The following HEG1 variants were observed in gnomAD, a reference collection of about 807,000 sequenced individuals.
HEG1 encodes heart development protein with EGF like domains 1, also known as protein HEG homolog 1.
In HEG1, 56 loss-of-function variants were observed where a neutral mutation model predicts 125.6. The observed-to-expected ratio is 0.45, with a 90% confidence interval of 0.36 to 0.56. The LOEUF is 0.56. Among genes scored for constraint, HEG1 ranks in the 20% least tolerant of loss-of-function variants. The probability of loss-of-function intolerance (pLI) is 0.00; values close to 1 mark genes in which losing one functional copy is unlikely to be tolerated. For synonymous variants in HEG1, 644 were observed against 668.5 expected (o/e 0.96, Z 0.57); for missense variants, 1,523 against 1,670.0 (o/e 0.91, Z 1.53).
chr3:124,993,570 C>T (rs1253384668), intron 12 of HEG1, among the ~76,000 whole-genome samples: 2 of 152,144 alleles, frequency 1.3e-5, no homozygotes, highest in Non-Finnish European at 2.9e-5. Context: ...CTGGATGATC[C>T]ATGGATGGCT....
rs1049899075 is a variant in HEG1, at chr3:125,020,698, T to G, written c.1252+94A>C. 9 of 1,021,310 alleles carry G rather than the reference T, an allele frequency of 8.8e-6. 1 individual carries two copies. The African/African-American group carries it at 1.4e-4, about 16-fold the overall frequency. 63.3% of individuals were successfully genotyped at this position (1,021,310 alleles called of 1,614,324 possible). ...AGTGCCATTAAAAAGCACACTTTTC[T>G]CTGGAGATTACAAATGGTCTTGAAG... On this transcript the variant is annotated intron_variant, in intron 4 of 16. Transcript: ENST00000311127.
rs1350250286 is a variant in HEG1, at chr3:124,992,119, G to T, written c.3653-1133C>A. ...GTGACATCTTCTGGGGCACAGTCCT[G>T]GTGTGTACCCAGGTTTTCGTAACAG... is the stretch of plus-strand genomic sequence containing the variant. On this transcript the variant is annotated intron_variant, in intron 12 of 16. Coordinates refer to ENST00000311127, the MANE Select transcript of HEG1 (RefSeq NM_020733.2). 5.3e-5 allele frequency among the ~76,000 whole-genome samples: 8 copies of T among 152,256 alleles called. No individual in the cohort carries two copies. In the East Asian group the frequency reaches 1.5e-3, roughly 29 times the overall value.
chr3:124,976,529 G>T (rs557181943), intron 15 of HEG1, among the ~76,000 whole-genome samples: 1 of 151,604 alleles, frequency 6.6e-6, no homozygotes, highest in South Asian at 2.1e-4. Context: ...ATCTTAGTGG[G>T]TGTGAAGTGG....
Position 124,970,403 on chromosome 3 carries a change from CAG to C in HEG1, c.*247_*248del, listed in dbSNP as rs1579389907. 2.2e-6 allele frequency: 1 copy of C among 464,418 alleles called. No homozygotes were observed. Among genetic ancestry groups the C allele is most frequent in the African/African-American group, 2.0e-5 (1 of 51,190 alleles). 28.8% of individuals were successfully genotyped at this position (464,418 alleles called of 1,614,324 possible). ...GTGCCAGTGCCATGGTGCAGTCACT[CAG>C]AGAGACTCTCTTGATACTGGCCCAC... On this transcript the variant is annotated 3_prime_UTR_variant, in exon 17 of 17. Coordinates refer to ENST00000311127, the MANE Select transcript of HEG1 (RefSeq NM_020733.2).
chr3:124,978,711 G>A (rs1039325413), intron 14 of HEG1, among the ~76,000 whole-genome samples: 1 of 151,684 alleles, frequency 6.6e-6, no homozygotes, highest in Non-Finnish European at 1.5e-5. Context: ...TTTTATTAAA[G>A]TAATGGATGG....
intron 1 of HEG1, among the ~76,000 whole-genome samples, chr3:125,052,431 T>G (rs1383036095): frequency 1.3e-5 from 2 of 152,284 alleles, no homozygotes; most frequent in East Asian, 3.9e-4. Context: ...GGGAGCTGCA[T>G]TTTTCTAAGA....
intron 3 of HEG1, among the ~76,000 whole-genome samples, chr3:125,025,999 G>A (rs554244644): frequency 9.7e-4 from 148 of 152,262 alleles, no homozygotes; most frequent in African/African-American, 2.1e-3. Context: ...TCCTAGTCTC[G>A]CAAGTTACTT....
At chr3:124,982,448 T>C (rs1936671764) in intron 14 of HEG1, among the ~76,000 whole-genome samples, 1 of 152,238 alleles carries the variant, frequency 6.6e-6, no homozygotes. Flanking sequence ...ATCTTAGGCT[T>C]GTCCTATCCT....
chr3:125,028,973 A>G (rs956486265), intron 2 of HEG1, among the ~76,000 whole-genome samples: 7 of 152,174 alleles, frequency 4.6e-5, no homozygotes, highest in African/African-American at 1.7e-4. Flanking sequence ...TCCACTGGCC[A>G]TGGATCACAG....
intron 1 of HEG1, among the ~76,000 whole-genome samples, chr3:125,054,735 T>C (rs1445005151): frequency 6.6e-6 from 1 of 152,190 alleles, no homozygotes; most frequent in Non-Finnish European, 1.5e-5. Context: ...ACATCATCAC[T>C]AGGAGGCTAG....
Position 125,013,406 on chromosome 3 carries a change from T to A in HEG1, c.2173A>T (p.Thr725Ser). ...ACAGAAAGTGGGGCAGATGTAGATG[T>A]CGTTAAGGATACTGGTAAAGGTGAT... ...SPSPLPVSLT[T>S]STSAPLSVSQ... Residue 725 changes from threonine (T) to serine (S), a missense_variant, in exon 6 of 17, where the codon ACA becomes TCA. By Grantham distance (58) the Thr-to-Ser change is moderately conservative. Coordinates refer to ENST00000311127, the MANE Select transcript of HEG1 (RefSeq NM_020733.2). 3 of 1,613,954 alleles carry A rather than the reference T, an allele frequency of 1.9e-6. No individual in the cohort carries two copies. The highest frequency in any genetic ancestry group is 2.5e-6 in the Non-Finnish European group (3 of 1,179,888).
intron 3 of HEG1, among the ~76,000 whole-genome samples, chr3:125,023,303 A>G (rs1481267126): frequency 6.6e-6 from 1 of 152,218 alleles, no homozygotes; most frequent in Non-Finnish European, 1.5e-5. Flanking sequence ...TCTCTAGTGG[A>G]TTTAGCAAAT....
chr3:125,051,578 A>C (rs1009136720), intron 1 of HEG1, among the ~76,000 whole-genome samples: 1 of 152,208 alleles, frequency 6.6e-6, no homozygotes, highest in East Asian at 1.9e-4. Context: ...GATTAAATGG[A>C]TAAGGAGTGT....
At chr3:124,976,439 C>A (rs189555466) in intron 15 of HEG1, among the ~76,000 whole-genome samples, 85 of 151,878 alleles carry the variant, frequency 5.6e-4, no homozygotes, top group Admixed American at 2.5e-3. Context: ...CCACTCGCCT[C>A]GAACTCCCAA....
chr3:124,974,923 C>G (rs1936508128), intron 15 of HEG1, among the ~76,000 whole-genome samples: 1 of 152,284 alleles, frequency 6.6e-6, no homozygotes, highest in East Asian at 1.9e-4. Flanking sequence ...TACTCATGCA[C>G]AACTACCTTC....
At chr3:125,035,497 A>G (rs1195506637) in intron 1 of HEG1, among the ~76,000 whole-genome samples, 1 of 152,194 alleles carries the variant, frequency 6.6e-6, no homozygotes, top group Admixed American at 6.5e-5. Flanking sequence ...GCCAAAAGAC[A>G]GTGGATAAAT....
At chr3:124,976,884 C>A (rs1936551264) in intron 15 of HEG1, among the ~76,000 whole-genome samples, 1 of 152,162 alleles carries the variant, frequency 6.6e-6, no homozygotes, top group Non-Finnish European at 1.5e-5. Flanking sequence ...GATACAGACG[C>A]CCAATCTCAA....
At chr3:125,030,113 G>C (rs973805863) in intron 1 of HEG1, among the ~76,000 whole-genome samples, 1 of 152,198 alleles carries the variant, frequency 6.6e-6, no homozygotes, top group African/African-American at 2.4e-5. Context: ...AGAGGAGGAA[G>C]ATTGGGTGTA....
intron 14 of HEG1, among the ~76,000 whole-genome samples, chr3:124,981,909 CAT>C (rs1936662165): frequency 7.5e-6 from 1 of 133,712 alleles, no homozygotes; most frequent in East Asian, 2.4e-4. Flanking sequence ...TATACACATA[CAT>C]ATTTTTTTTT....
Sources: allele counts gnomAD v4.1 joint callset (sites outside exome capture counted in the v4.1 genomes callset), GRCh38; gene constraint gnomAD v4.1.1; transcripts MANE v1.5; gene names NCBI Gene and HGNC (gene_info 2026-07-23, HGNC 2026-07-21).